GRIK2: variants seen among roughly 807,000 people sequenced by gnomAD.
GRIK2 encodes the protein glutamate receptor ionotropic, kainate 2.
GRIK2 carries 32 observed loss-of-function variants against 100.3 expected under a neutral mutation model. The observed-to-expected ratio is 0.32, with a 90% CI of 0.24 to 0.43. GRIK2 has a LOEUF of 0.43. Among genes scored for constraint, GRIK2 ranks in the 20% least tolerant of loss-of-function variants. The probability of loss-of-function intolerance (pLI) is 1.00; values close to 1 mark genes in which losing one functional copy is unlikely to be tolerated. For missense variants in GRIK2, 843 were observed against 1,114.9 expected, an observed-to-expected ratio of 0.76 and a Z score of 3.47; for synonymous variants, 417 against 389.4, an observed-to-expected ratio of 1.07 and a Z score of -0.83.
chr6:101,709,975 T>C (rs1773589361), intron 7 of GRIK2, among the ~76,000 whole-genome samples: 1 of 151,790 alleles, frequency 6.6e-6, no homozygotes, highest in Admixed American at 6.6e-5. Context: ...AGATGGAAAA[T>C]AGCTTTCTGA....
At chr6:101,506,324 A>T (rs1021770524) in intron 2 of GRIK2, among the ~76,000 whole-genome samples, 2 of 152,162 alleles carry the variant, frequency 1.3e-5, no homozygotes, top group African/African-American at 4.8e-5. Flanking sequence ...TCTTAATCTC[A>T]TATTAAAATT....
At chr6:101,686,433 T>G in intron 7 of GRIK2, 80 bp downstream of exon 7, 1 of 995,472 alleles carries the variant, frequency 1.0e-6, no homozygotes, top group East Asian at 2.4e-5. Context: ...TTTATATGCA[T>G]ACATATAAAC....
At chr6:101,612,627 C>T (rs1162203394) in intron 2 of GRIK2, among the ~76,000 whole-genome samples, 1 of 151,544 alleles carries the variant, frequency 6.6e-6, no homozygotes, top group Non-Finnish European at 1.5e-5. Context: ...TAGTTCAGTG[C>T]AGTTAGGACC....
intron 2 of GRIK2, among the ~76,000 whole-genome samples, chr6:101,407,481 T>C (rs988876478): frequency 3.9e-5 from 6 of 152,146 alleles, no homozygotes; most frequent in African/African-American, 1.4e-4. Context: ...TCTGACTCCC[T>C]GTGCTTTGAA....
chr6:101,679,886 C>A (rs1771115115), intron 5 of GRIK2, among the ~76,000 whole-genome samples: 1 of 152,098 alleles, frequency 6.6e-6, no homozygotes, highest in Non-Finnish European at 1.5e-5. Context: ...TTACAGGCAG[C>A]TGCCACCACG....
intron 7 of GRIK2, among the ~76,000 whole-genome samples, chr6:101,691,088 A>G (rs987978240): frequency 2.6e-5 from 4 of 152,128 alleles, no homozygotes; most frequent in Non-Finnish European, 2.9e-5. Context: ...GGAGCTCATA[A>G]TGAGAGAGTG....
chr6:101,471,870 T>G (rs1184597470), intron 2 of GRIK2, among the ~76,000 whole-genome samples: 2 of 151,952 alleles, frequency 1.3e-5, no homozygotes, highest in Non-Finnish European at 2.9e-5. Flanking sequence ...AAGTTTAGTT[T>G]ATTATGTATA....
intron 2 of GRIK2, among the ~76,000 whole-genome samples, chr6:101,519,865 C>G (rs1444989475): frequency 6.6e-6 from 1 of 152,080 alleles, no homozygotes; most frequent in African/African-American, 2.4e-5. Context: ...TGGTTTCCAA[C>G]ATGGGTAGGA....
chr6:101,652,366 C>T (rs114336537), intron 4 of GRIK2, among the ~76,000 whole-genome samples: 2 of 152,054 alleles, frequency 1.3e-5, no homozygotes, highest in Admixed American at 6.6e-5. Context: ...CCCTCCACAA[C>T]TAAGAAGAAG....
At chr6:102,015,102 G>A (rs1349638618) in intron 14 of GRIK2, among the ~76,000 whole-genome samples, 2 of 152,052 alleles carry the variant, frequency 1.3e-5, no homozygotes, top group African/African-American at 4.8e-5. Context: ...CCAAAAACTT[G>A]ATTTAGGAAT....
At chr6:101,919,586 CT>C (rs1395660890) in intron 12 of GRIK2, among the ~76,000 whole-genome samples, 1 of 151,606 alleles carries the variant, frequency 6.6e-6, no homozygotes, top group African/African-American at 2.4e-5. Flanking sequence ...GAATTTATGG[CT>C]GTAAATTAAG....
chr6:101,947,585 T>C (rs1165186000), intron 14 of GRIK2, among the ~76,000 whole-genome samples: 1 of 152,174 alleles, frequency 6.6e-6, no homozygotes, highest in East Asian at 1.9e-4. Context: ...GAAAATGTGA[T>C]ATAAGAGAAA....
At chr6:101,528,110 C>T (rs1053113802) in intron 2 of GRIK2, among the ~76,000 whole-genome samples, 1 of 152,074 alleles carries the variant, frequency 6.6e-6, no homozygotes, top group Admixed American at 6.6e-5. Flanking sequence ...TCATAGAGTT[C>T]TTGCAAAGAA....
intron 7 of GRIK2, among the ~76,000 whole-genome samples, chr6:101,719,355 C>A (rs528568601): frequency 6.6e-6 from 1 of 151,812 alleles, no homozygotes; most frequent in African/African-American, 2.4e-5. Flanking sequence ...GAGTTGTTAA[C>A]AAAATATACT....
Position 101,516,768 on chromosome 6 carries a change from C to T in GRIK2, c.116-105181C>T, listed in dbSNP as rs578240717. ...TAGATTCAGTTAGAAATTTGGCTGC[C>T]TTCCCAGCAAAAGGCAAGTATATAA... On this transcript the variant is annotated intron_variant, in intron 2 of 16. Coordinates refer to ENST00000369134, the MANE Select transcript of GRIK2 (RefSeq NM_021956.5). 5.0e-4 allele frequency among the ~76,000 whole-genome samples: 76 copies of T among 152,136 alleles called. No homozygotes were observed. In the South Asian group the frequency reaches 0.015, roughly 30 times the overall value.
At chr6:101,905,598 A>T (rs1788164540) in intron 12 of GRIK2, among the ~76,000 whole-genome samples, 1 of 151,512 alleles carries the variant, frequency 6.6e-6, no homozygotes, top group African/African-American at 2.4e-5. Context: ...AGATTATATA[A>T]ATTCATATTC....
intron 14 of GRIK2, among the ~76,000 whole-genome samples, chr6:101,999,783 A>C (rs1446670442): frequency 6.6e-6 from 1 of 152,062 alleles, no homozygotes; most frequent in African/African-American, 2.4e-5. Flanking sequence ...TTTTTACATA[A>C]TTAAGTATAT....
intron 10 of GRIK2, among the ~76,000 whole-genome samples, chr6:101,822,207 TACACACACAC>T (rs58680927): frequency 0.014 from 2,047 of 143,242 alleles, 27 homozygotes; most frequent in African/African-American, 0.028. Context: ...TGGAGAGTTT[TACACACACAC>T]ACACACACAC....
At chr6:101,933,475 G>T (rs1310270937) in intron 14 of GRIK2, among the ~76,000 whole-genome samples, 1 of 151,850 alleles carries the variant, frequency 6.6e-6, no homozygotes, top group Non-Finnish European at 1.5e-5. Context: ...AAATCCAAAA[G>T]ATTATTAGTT....
Sources: gnomAD v4.1 joint callset for allele counts (sites outside exome capture counted in the v4.1 genomes callset) on GRCh38, gnomAD v4.1.1 for gene constraint, MANE v1.5 for transcripts, NCBI Gene and HGNC (gene_info 2026-07-23, HGNC 2026-07-21) for gene names.